NELL2: variants seen among roughly 807,000 people sequenced by gnomAD.
The protein encoded by NELL2 is protein kinase C-binding protein NELL2.
A neutral mutation model predicts 109.6 loss-of-function variants in NELL2; 41 were observed. The ratio of observed to expected loss-of-function variants is 0.37; its 90% CI spans 0.29 to 0.49. The LOEUF (loss-of-function observed/expected upper bound fraction) is 0.49, where lower values mean the gene tolerates loss of function less well. NELL2 is among the 20% of genes least tolerant of loss of function. NELL2 has a pLI of 0.98. For missense variants in NELL2, 900 were observed against 1,008.3 expected, an observed-to-expected ratio of 0.89 and a Z score of 1.45; for synonymous variants, 355 against 344.7, an observed-to-expected ratio of 1.03 and a Z score of -0.33.
intron 2 of NELL2, among the ~76,000 whole-genome samples, chr12:44,834,591 T>C (rs907506309): frequency 1.3e-5 from 2 of 152,142 alleles, no homozygotes; most frequent in Non-Finnish European, 2.9e-5. Flanking sequence ...TAGCAATAAA[T>C]ACTGCGCAGG....
At chr12:44,674,403 A>G (rs1948240626) in intron 12 of NELL2, among the ~76,000 whole-genome samples, 1 of 152,184 alleles carries the variant, frequency 6.6e-6, no homozygotes, top group Admixed American at 6.5e-5. Flanking sequence ...TATCCAGGGA[A>G]AATATAACGG....
chr12:44,520,211 A>C lies in NELL2; in HGVS notation c.2194T>G (p.Trp732Gly), dbSNP rs1941468219. 1 of 1,611,844 alleles carries C rather than the reference A, an allele frequency of 6.2e-7. No homozygotes were observed. Among genetic ancestry groups the C allele is most frequent in the African/African-American group, 1.3e-5 (1 of 74,858 alleles). Residue 732 changes from tryptophan (W) to glycine (G), a missense_variant, in exon 19 of 20, where the codon TGG (tryptophan) becomes GGG (glycine). Physicochemically the swap from Trp to Gly is radical, Grantham distance 184. Around this residue, in one of 4 missense-constraint regions of NELL2, gnomAD observed 333 missense variants for 432.3 expected, o/e 0.77. Coordinates refer to ENST00000429094, the MANE Select transcript of NELL2 (RefSeq NM_001145108.2). ...CRCLQGEVDC[W>G]PLPCPDVECE... The stretch of plus-strand genomic sequence containing the variant: ...TCCACATCTGGGCAAGGCAGGGGCC[A>C]ACAATCAACTTCCCCTTGCTACAAG...
chr12:44,727,754 G>A (rs946009423), intron 9 of NELL2, among the ~76,000 whole-genome samples: 2 of 151,984 alleles, frequency 1.3e-5, no homozygotes, highest in Admixed American at 1.3e-4. Context: ...TATGCTAAAT[G>A]AAACATCGAG....
intron 13 of NELL2, among the ~76,000 whole-genome samples, chr12:44,627,985 C>G (rs1381569148): frequency 1.3e-5 from 2 of 152,172 alleles, no homozygotes; most frequent in Non-Finnish European, 2.9e-5. Flanking sequence ...ATTGGATTCA[C>G]ATGTTCTAAC....
chr12:44,817,748 C>G (rs542315175), intron 2 of NELL2, among the ~76,000 whole-genome samples: 3 of 152,170 alleles, frequency 2.0e-5, no homozygotes, highest in Non-Finnish European at 4.4e-5. Context: ...GTTTCCATCA[C>G]CATTATCAAT....
Position 44,508,279 on chromosome 12 carries a change from TATAAG to T in NELL2, c.*650_*654del, listed in dbSNP as rs1274893425. 1.3e-5 allele frequency: 2 copies of T among 152,600 alleles called. No homozygotes were observed. Among genetic ancestry groups the T allele is most frequent in the Non-Finnish European group, 2.9e-5 (2 of 68,016 alleles). The allele number at this position is 152,600 out of a possible 1,614,324, so 9.5% of individuals were successfully genotyped here. A position where few individuals can be genotyped will look rare whatever the true frequency, so the allele number is the denominator to read the frequency against. ...ACAAGATACTCAGACTCACATGTGT[TATAAG>T]GTAAGAGAAATATTTATTTAATTTT... On this transcript the variant is annotated 3_prime_UTR_variant, in exon 20 of 20. Coordinates refer to ENST00000429094, the MANE Select transcript of NELL2 (RefSeq NM_001145108.2).
intron 12 of NELL2, among the ~76,000 whole-genome samples, chr12:44,702,166 C>A (rs1949250447): frequency 6.6e-6 from 1 of 152,104 alleles, no homozygotes; most frequent in Admixed American, 6.6e-5. Context: ...AATAAATCCC[C>A]AGCCAATCTC....
intron 2 of NELL2, among the ~76,000 whole-genome samples, chr12:44,833,853 T>C (rs1943963778): frequency 6.6e-6 from 1 of 152,212 alleles, no homozygotes; most frequent in Admixed American, 6.5e-5. Flanking sequence ...AACTATCTCA[T>C]TAGTCCAGGC....
At chr12:44,639,498 C>T (rs1321582682) in intron 13 of NELL2, among the ~76,000 whole-genome samples, 1 of 152,116 alleles carries the variant, frequency 6.6e-6, no homozygotes, top group African/African-American at 2.4e-5. Context: ...ATTCCTTTTC[C>T]TTACTACTCT....
chr12:44,705,800 G>C (rs1451874849), intron 11 of NELL2, among the ~76,000 whole-genome samples: 1 of 152,140 alleles, frequency 6.6e-6, no homozygotes, highest in African/African-American at 2.4e-5. Flanking sequence ...CTAACACAGT[G>C]CTAAATTTCT....
chr12:44,553,403 T>A (rs970918029), intron 15 of NELL2, among the ~76,000 whole-genome samples: 23 of 152,196 alleles, frequency 1.5e-4, no homozygotes, highest in African/African-American at 5.5e-4. Context: ...TTTAGACTGC[T>A]ATTTGGCTTC....
intron 1 of NELL2, among the ~76,000 whole-genome samples, chr12:44,888,380 G>GA (rs1210297873): frequency 2.9e-5 from 3 of 102,856 alleles, no homozygotes; most frequent in African/African-American, 8.8e-5. Flanking sequence ...ATGAACAGTT[G>GA]GTTTTTTTTT....
intron 13 of NELL2, among the ~76,000 whole-genome samples, chr12:44,641,689 CTTT>C (rs71093817): frequency 2.5e-5 from 2 of 80,626 alleles, no homozygotes; most frequent in African/African-American, 5.4e-5. Context: ...CTAGTTTCTC[CTTT>C]TTTTTTTTTT....
At chr12:44,703,654 A>C in intron 12 of NELL2, 72 bp downstream of exon 12, 3 of 1,536,252 alleles carry the variant, frequency 2.0e-6, no homozygotes, top group Non-Finnish European at 2.7e-6. Flanking sequence ...CAACCTGGGA[A>C]CTTAATAAAT....
At chr12:44,920,526 A>T (rs2136899922) in intron 1 of NELL2, among the ~76,000 whole-genome samples, 1 of 152,310 alleles carries the variant, frequency 6.6e-6, no homozygotes, top group East Asian at 1.9e-4. Flanking sequence ...ATAGATATAT[A>T]CTCAGTGAAT....
chr12:44,716,067 TG>T (rs1938470369), intron 9 of NELL2, among the ~76,000 whole-genome samples: 1 of 152,110 alleles, frequency 6.6e-6, no homozygotes, highest in South Asian at 2.1e-4. Flanking sequence ...CCCAAAGTGC[TG>T]GGGTTATAGG....
At chr12:44,764,852 G>C (rs1325018113) in intron 9 of NELL2, among the ~76,000 whole-genome samples, 1 of 151,596 alleles carries the variant, frequency 6.6e-6, no homozygotes, top group Non-Finnish European at 1.5e-5. Context: ...AAAAGAGAGA[G>C]AGAGAGAAAA....
chr12:44,896,209 C>G (rs750959959), intron 1 of NELL2, among the ~76,000 whole-genome samples: 2 of 151,966 alleles, frequency 1.3e-5, no homozygotes, highest in Non-Finnish European at 2.9e-5. Context: ...AAAACTCATC[C>G]AACTAAGCAA....
intron 2 of NELL2, among the ~76,000 whole-genome samples, chr12:44,862,005 C>G (rs1301308689): frequency 1.3e-5 from 2 of 152,220 alleles, no homozygotes; most frequent in Non-Finnish European, 2.9e-5. Context: ...GCACAATAAT[C>G]TCCCAATAGC....
Sources: gnomAD v4.1 joint callset for allele counts (sites outside exome capture counted in the v4.1 genomes callset) on GRCh38, gnomAD v4.1.1 for gene constraint, gnomAD v4.1.1 regional missense constraint, MANE v1.5 for transcripts, NCBI Gene and HGNC (gene_info 2026-07-23, HGNC 2026-07-21) for gene names.